The following CFAP61 variants were observed in gnomAD, a reference collection of about 807,000 sequenced individuals.
The protein encoded by CFAP61 is cilia- and flagella-associated protein 61.
Under a neutral mutation model 135.6 loss-of-function variants are expected in CFAP61, and 107 were observed. The ratio of observed to expected loss-of-function variants is 0.79; its 90% CI spans 0.67 to 0.93. CFAP61 has a LOEUF of 0.93. CFAP61 is among the 40% of genes least tolerant of loss of function. The pLI is 0.00. For missense variants in CFAP61, 1,507 were observed against 1,556.2 expected (o/e 0.97, Z 0.53); for synonymous variants, 575 against 578.5 (o/e 0.99, Z 0.09).
intron 8 of CFAP61, among the ~76,000 whole-genome samples, chr20:20,136,710 C>CG (rs1188968056): frequency 1.3e-5 from 2 of 152,140 alleles, no homozygotes; most frequent in African/African-American, 4.8e-5. Flanking sequence ...CTGAAAGGTC[C>CG]TACATCTCTG....
intron 21 of CFAP61, among the ~76,000 whole-genome samples, chr20:20,270,510 G>A (rs13045750): frequency 0.013 from 2,043 of 152,026 alleles, 19 homozygotes; most frequent in Non-Finnish European, 0.022. Flanking sequence ...AACTTAATAG[G>A]GAAATCAACT....
rs187562153 is a variant in CFAP61 at position 20,288,660 on chromosome 20, C to T, written c.2848C>T (p.Leu950Phe). The change falls in exon 23 of 27, where the codon CTC (leucine) becomes TTC (phenylalanine). Residue 950 changes from leucine to phenylalanine, a missense_variant. Leu to Phe is a conservative substitution (Grantham distance 22). Transcript: ENST00000245957. The stretch of plus-strand genomic sequence containing the variant: ...TGTGGATTATGAAACGTTTAAAGCC[C>T]TCAATGATGCATGTCTTGTGTATGA... Reference protein sequence around the residue: ...KNVDYETFKALNDACLVYDSR... With the variant: ...KNVDYETFKAFNDACLVYDSR... 9.3e-6 allele frequency: 15 copies of T among 1,614,080 alleles called. No homozygotes were observed. The highest frequency in any genetic ancestry group is 3.3e-4 in the Middle Eastern group (2 of 6,062).
chr20:20,211,487 T>TA lies in CFAP61; in HGVS notation c.1932+11586dup, dbSNP rs575495527. On this transcript the variant is annotated intron_variant, in intron 17 of 26. Transcript: ENST00000245957. Reference sequence around the variant, plus strand: ...ACCAACTTAATAAGCAAGAAGAAAATACAAAAGATGACTTAAAAACAGGGG... The same window carrying TA: ...ACCAACTTAATAAGCAAGAAGAAAATAACAAAAGATGACTTAAAAACAGGGG... 2.9e-4 allele frequency among the ~76,000 whole-genome samples: 44 copies of TA among 152,016 alleles called. 2 individuals are homozygous for TA. In the East Asian group the frequency reaches 8.5e-3, roughly 29 times the overall value.
chr20:20,337,161 A>G (rs1180842168), intron 25 of CFAP61, among the ~76,000 whole-genome samples: 6 of 152,360 alleles, frequency 3.9e-5, no homozygotes, highest in East Asian at 1.9e-4. Context: ...CAGCAGAGGA[A>G]GAGGACCAGA....
rs113879030 is a variant in CFAP61 at position 20,204,062 on chromosome 20, C to T, written c.1932+4160C>T. On this transcript the variant is annotated intron_variant, in intron 17 of 26. Transcript: ENST00000245957. ...ACTTAAAGAGCCCCTCCCATTGCCT[C>T]AATGTCAATAGTTGCTCCCCATCAT... Among the ~76,000 whole-genome samples, 500 of 152,242 alleles carry T rather than the reference C, an allele frequency of 3.3e-3. 8 individuals are homozygous for T. The highest frequency in any genetic ancestry group is 4.4e-3 in the Non-Finnish European group (300 of 68,020).
intron 8 of CFAP61, among the ~76,000 whole-genome samples, chr20:20,137,605 G>A (rs1260200539): frequency 1.3e-5 from 2 of 152,152 alleles, no homozygotes; most frequent in Non-Finnish European, 2.9e-5. Context: ...CTGTCAGCTT[G>A]TGGTGAATGC....
chr20:20,200,739 C>T, intron 17 of CFAP61: 3 of 985,392 alleles, frequency 3.0e-6, no homozygotes, highest in Non-Finnish European at 3.6e-6. Flanking sequence ...AAGGAGCTGC[C>T]CCTCAGAGCT....
chr20:20,179,163 A>C (rs1035626113), intron 13 of CFAP61, among the ~76,000 whole-genome samples: 3 of 152,224 alleles, frequency 2.0e-5, no homozygotes. Flanking sequence ...TTAAGCTGAG[A>C]AACAACTTCA....
At chr20:20,309,029 C>G (rs2056652427) in intron 25 of CFAP61, among the ~76,000 whole-genome samples, 1 of 152,138 alleles carries the variant, frequency 6.6e-6, no homozygotes, top group African/African-American at 2.4e-5. Flanking sequence ...AAATCATGTT[C>G]TCATTCTACT....
intron 8 of CFAP61, among the ~76,000 whole-genome samples, chr20:20,126,258 CTG>C (rs1349980996): frequency 1.3e-5 from 2 of 151,710 alleles, no homozygotes; most frequent in African/African-American, 4.9e-5. Context: ...TATTTGTTGT[CTG>C]TGTTCCTTGT....
intron 8 of CFAP61, among the ~76,000 whole-genome samples, chr20:20,135,061 C>T (rs566792063): frequency 6.6e-6 from 1 of 151,656 alleles, no homozygotes; most frequent in African/African-American, 2.4e-5. Context: ...TAAATGCTAT[C>T]ACAGGCATCC....
At chr20:20,290,248 A>G in intron 23 of CFAP61, 52 bp from the exon 24 acceptor site, 127 of 950,222 alleles carry the variant, frequency 1.3e-4, no homozygotes, top group Non-Finnish European at 2.0e-4. Context: ...GAGCTCTGTT[A>G]CTCACCTCAT....
At chr20:20,169,188 G>A in intron 12 of CFAP61, 133 bp from the exon 13 acceptor site, 1 of 780,870 alleles carries the variant, frequency 1.3e-6, no homozygotes. Flanking sequence ...CAAATTATAG[G>A]AAAGGTAATT....
At chr20:20,163,796 C>T (rs1486990359) in intron 10 of CFAP61, among the ~76,000 whole-genome samples, 2 of 151,866 alleles carry the variant, frequency 1.3e-5, no homozygotes, top group Non-Finnish European at 2.9e-5. Flanking sequence ...TGACAGGCCC[C>T]AGTGTGTGTT....
intron 18 of CFAP61, among the ~76,000 whole-genome samples, chr20:20,233,951 T>C (rs764480635): frequency 3.3e-5 from 5 of 152,124 alleles, no homozygotes; most frequent in Non-Finnish European, 7.4e-5. Flanking sequence ...AGGAAATGCA[T>C]TTTTCATGAT....
At chr20:20,178,251 C>T (rs2054784549) in intron 13 of CFAP61, among the ~76,000 whole-genome samples, 1 of 152,200 alleles carries the variant, frequency 6.6e-6, no homozygotes, top group African/African-American at 2.4e-5. Flanking sequence ...TTTATGTTAA[C>T]TTGCACTTTA....
chr20:20,288,277 G>A (rs1569245866), intron 22 of CFAP61, among the ~76,000 whole-genome samples: 1 of 152,166 alleles, frequency 6.6e-6, no homozygotes, highest in Non-Finnish European at 1.5e-5. Context: ...CAAAATGTAG[G>A]AGCATGAGGG....
intron 2 of CFAP61, among the ~76,000 whole-genome samples, 162 bp from the exon 3 acceptor site, chr20:20,070,692 T>C (rs1333634883): frequency 6.6e-6 from 1 of 152,232 alleles, no homozygotes; most frequent in African/African-American, 2.4e-5. Flanking sequence ...TCCTGAACGA[T>C]GTACCCCAAA....
At chr20:20,136,085 T>A (rs2050898185) in intron 8 of CFAP61, among the ~76,000 whole-genome samples, 1 of 152,212 alleles carries the variant, frequency 6.6e-6, no homozygotes, top group African/African-American at 2.4e-5. Flanking sequence ...AGGTATCCAC[T>A]GAAAAGTCTG....
Sources: allele counts gnomAD v4.1 joint callset (sites outside exome capture counted in the v4.1 genomes callset), GRCh38; gene constraint gnomAD v4.1.1; transcripts MANE v1.5; gene names NCBI Gene and HGNC (gene_info 2026-07-23, HGNC 2026-07-21).